The following SVEP1 variants were observed in gnomAD, a reference collection of about 807,000 sequenced individuals.
SVEP1 encodes sushi, von Willebrand factor type A, EGF and pentraxin domain containing 1, also known as sushi, von Willebrand factor type A, EGF and pentraxin domain-containing protein 1.
A neutral mutation model predicts 367.3 loss-of-function variants in SVEP1; 164 were observed. The observed-to-expected ratio is 0.45, with a 90% CI of 0.39 to 0.51. The LOEUF is 0.51. SVEP1 is among the 20% of genes least tolerant of loss of function. SVEP1 has a pLI of 0.00. For synonymous variants in SVEP1, 1,666 were observed against 1,611.6 expected (o/e 1.03, Z -0.81); for missense variants, 4,117 against 4,425.3 (o/e 0.93, Z 1.98).
rs568134728 is a variant in SVEP1, at chr9:110,477,778, C to A, written c.2488-1463G>T. ...TACTTTCAGAAGATATAAAAAAAAT[C>A]CATTCACTTCTCACCACCTCCAGTG... On this transcript the variant is annotated intron_variant, in intron 13 of 47. Transcript: ENST00000374469. 2.5e-4 allele frequency among the ~76,000 whole-genome samples: 38 copies of A among 152,228 alleles called. 1 individual carries two copies. The South Asian group carries it at 7.3e-3, about 29-fold the overall frequency.
intron 3 of SVEP1, among the ~76,000 whole-genome samples, chr9:110,514,903 G>A (rs960448170): frequency 2.6e-5 from 4 of 152,144 alleles, no homozygotes; most frequent in Non-Finnish European, 5.9e-5. Flanking sequence ...TTAGCCCATT[G>A]TTTCTGTTCA....
chr9:110,374,509 G>T (rs1443265676), intron 46 of SVEP1, among the ~76,000 whole-genome samples: 2 of 152,094 alleles, frequency 1.3e-5, no homozygotes, highest in East Asian at 1.9e-4. Context: ...AATTAGCAGG[G>T]TATGGCAGCA....
chr9:110,563,072 T>C (rs1388597830), intron 1 of SVEP1, among the ~76,000 whole-genome samples: 2 of 152,286 alleles, frequency 1.3e-5, no homozygotes, highest in African/African-American at 4.8e-5. Context: ...AAGATAATAC[T>C]GAGAGGTATT....
At chr9:110,384,148 A>G (rs886879176) in intron 43 of SVEP1, among the ~76,000 whole-genome samples, 2 of 152,122 alleles carry the variant, frequency 1.3e-5, no homozygotes, top group East Asian at 1.9e-4. Context: ...CTTGGGACCT[A>G]AGGCCCTGGT....
chr9:110,522,591 C>T (rs2184245), intron 3 of SVEP1, among the ~76,000 whole-genome samples: 75,748 of 151,874 alleles, frequency 0.5, 19,314 homozygotes, highest in Admixed American at 0.61. Context: ...GCTGAATGTC[C>T]GCCTGTCCTA....
At chr9:110,513,164 C>CTT (rs371135144) in intron 4 of SVEP1, 59 bp from the exon 5 acceptor site, 220 of 1,142,780 alleles carry the variant, frequency 1.9e-4, no homozygotes, top group South Asian at 2.8e-4. Flanking sequence ...ATGACATATC[C>CTT]TTTTTTTTTT....
intron 47 of SVEP1, 58 bp from the exon 48 acceptor site, chr9:110,366,618 GCTAAC>G: frequency 6.7e-7 from 1 of 1,485,246 alleles, no homozygotes; most frequent in African/African-American, 1.4e-5. Flanking sequence ...GAACTGAAGA[GCTAAC>G]ATCTCTTTAG....
rs1554716522 is a variant in SVEP1, at chr9:110,457,997, T to TA, written c.3576+473_3576+474insT. The stretch of plus-strand genomic sequence containing the variant: ...AGTCTTGTAAAAAATATAAAGCATT[T>TA]GGTTTAGCTATATTCTTAATTTATG... On this transcript the variant is annotated intron_variant, in intron 20 of 47. Coordinates refer to ENST00000374469, the MANE Select transcript of SVEP1 (RefSeq NM_153366.4). 719 of 362,814 alleles carry TA rather than the reference T, an allele frequency of 2.0e-3. 2 individuals are homozygous for TA. Among genetic ancestry groups the TA allele is most frequent in the Non-Finnish European group, 3.0e-3 (569 of 187,334 alleles). The allele number at this position is 362,814 out of a possible 1,614,324, so 22.5% of individuals were successfully genotyped here. A position where few individuals can be genotyped will look rare whatever the true frequency, so the allele number is the denominator to read the frequency against.
chr9:110,409,807 G>A (rs76040591), intron 37 of SVEP1, among the ~76,000 whole-genome samples: 5,362 of 151,910 alleles, frequency 0.035, 316 homozygotes, highest in African/African-American at 0.12. Context: ...ATTAATATTC[G>A]TGATCTCAAA....
chr9:110,455,766 G>T, intron 21 of SVEP1, 63 bp from the exon 22 acceptor site: 1 of 1,314,920 alleles, frequency 7.6e-7, no homozygotes. Context: ...ATAGAACTAT[G>T]ATCATTTAAA....
intron 46 of SVEP1, among the ~76,000 whole-genome samples, chr9:110,372,438 T>TAAGA (rs1165711132): frequency 6.6e-6 from 1 of 152,150 alleles, no homozygotes; most frequent in Non-Finnish European, 1.5e-5. Context: ...GTAGCTGCTG[T>TAAGA]AAGATTTGGC....
intron 3 of SVEP1, among the ~76,000 whole-genome samples, chr9:110,523,325 TTTGAATGCCAATAG>T (rs1239126912): frequency 6.6e-6 from 1 of 152,192 alleles, no homozygotes; most frequent in Non-Finnish European, 1.5e-5. Context: ...GGGAAACATT[TTTGAATGCCAATAG>T]CATTTTGTAT....
At chr9:110,374,653 AAAAACAAAAC>A (rs10587715) in intron 46 of SVEP1, among the ~76,000 whole-genome samples, 6 of 151,770 alleles carry the variant, frequency 4.0e-5, no homozygotes, top group East Asian at 1.9e-4. Context: ...TCTGTTCTCA[AAAAACAAAAC>A]AAAACAAAAC....
rs185381172 is a variant in SVEP1 at position 110,398,323 on chromosome 9, C to T, written c.9822+2531G>A. ...GCTGAAACTGGATCCCTTCCTTACA[C>T]CTTACACAAAAAATTAATTCAAGAT... On this transcript the variant is annotated intron_variant, in intron 40 of 47. Coordinates refer to ENST00000374469, the MANE Select transcript of SVEP1 (RefSeq NM_153366.4). 1.6e-3 allele frequency among the ~76,000 whole-genome samples: 246 copies of T among 152,246 alleles called. 3 individuals carry two copies. The highest frequency in any genetic ancestry group is 5.2e-3 in the African/African-American group (215 of 41,546).
chr9:110,498,641 C>T (rs1239404482), intron 7 of SVEP1, among the ~76,000 whole-genome samples: 1 of 152,160 alleles, frequency 6.6e-6, no homozygotes, highest in African/African-American at 2.4e-5. Flanking sequence ...TAGCGGTCTG[C>T]TCTTGTTGCA....
At chr9:110,423,174 A>G (rs1275615040) in intron 36 of SVEP1, among the ~76,000 whole-genome samples, 14 of 140,404 alleles carry the variant, frequency 1.0e-4, no homozygotes, top group African/African-American at 4.1e-4. Flanking sequence ...AAAGTAAAAA[A>G]AAAAAAAAAG....
At chr9:110,390,341 T>TAAGTA (rs1827632137) in intron 40 of SVEP1, among the ~76,000 whole-genome samples, 59 of 30,294 alleles carry the variant, frequency 1.9e-3, no homozygotes, top group Middle Eastern at 0.031. Flanking sequence ...ATACACATAC[T>TAAGTA]TATATACACT....
intron 43 of SVEP1, among the ~76,000 whole-genome samples, chr9:110,383,346 TG>T (rs1341237546): frequency 2.0e-5 from 3 of 152,182 alleles, no homozygotes; most frequent in Non-Finnish European, 4.4e-5. Flanking sequence ...TGTGGTTTGC[TG>T]GGGGTCCACT....
chr9:110,518,351 G>A (rs1335306981), intron 3 of SVEP1, among the ~76,000 whole-genome samples: 1 of 151,730 alleles, frequency 6.6e-6, no homozygotes, highest in Non-Finnish European at 1.5e-5. Context: ...GAACCTGGGA[G>A]ACGGAGGTTG....
Sources: allele counts gnomAD v4.1 joint callset (sites outside exome capture counted in the v4.1 genomes callset), GRCh38; gene constraint gnomAD v4.1.1; transcripts MANE v1.5; gene names NCBI Gene and HGNC (gene_info 2026-07-23, HGNC 2026-07-21).